Variants in ODAD2 observed in about 807,000 individuals in gnomAD.
The protein encoded by ODAD2 is outer dynein arm docking complex subunit 2.
A neutral mutation model predicts 106.8 loss-of-function variants in ODAD2; 89 were observed. The ratio of observed to expected loss-of-function variants is 0.83; its 90% CI spans 0.70 to 0.99. The LOEUF (loss-of-function observed/expected upper bound fraction) is 0.99. Among genes scored for constraint, ODAD2 ranks in the 50% least tolerant of loss-of-function variants. ODAD2 has a pLI of 0.00. For synonymous variants in ODAD2, 404 were observed against 436.2 expected (o/e 0.93, Z 0.92); for missense variants, 1,168 against 1,238.5 (o/e 0.94, Z 0.85).
At chr10:27,906,201 G>T (rs929511992) in intron 17 of ODAD2, among the ~76,000 whole-genome samples, 1 of 152,232 alleles carries the variant, frequency 6.6e-6, no homozygotes, top group Admixed American at 6.5e-5. Context: ...GTGGGCAAAA[G>T]ATATGAAAAG....
chr10:27,915,675 G>T (rs1844315882), intron 16 of ODAD2, among the ~76,000 whole-genome samples: 1 of 152,110 alleles, frequency 6.6e-6, no homozygotes, highest in Non-Finnish European at 1.5e-5. Flanking sequence ...TTTATAAAAT[G>T]CTAGAAGGAA....
chr10:27,873,497 CT>C (rs1841074441), intron 17 of ODAD2, among the ~76,000 whole-genome samples: 1 of 140,338 alleles, frequency 7.1e-6, no homozygotes, highest in South Asian at 2.5e-4. Context: ...GCATTTAGTG[CT>C]ATAAATTTCC....
At chr10:27,895,298 T>C (rs1339895878) in intron 17 of ODAD2, among the ~76,000 whole-genome samples, 1 of 152,154 alleles carries the variant, frequency 6.6e-6, no homozygotes, top group Non-Finnish European at 1.5e-5. Context: ...ATTTATACTT[T>C]TATATTTTTA....
Position 27,845,200 on chromosome 10 carries a change from C to T in ODAD2, c.3021+15425G>A, listed in dbSNP as rs1385731649. Among the ~76,000 whole-genome samples the T allele has an allele frequency of 2.0e-5, 3 of 152,108 alleles. No individual in the cohort carries two copies. The East Asian group carries it at 5.8e-4, about 29-fold the overall frequency. On this transcript the variant is annotated intron_variant, in intron 19 of 19. Transcript: ENST00000305242. ...CAGTGGGTTACACACAAAGGGAAGCCCATCAGACTAACAGAGGATCTCTTG... is the reference window on the plus strand; with the variant it reads ...CAGTGGGTTACACACAAAGGGAAGCTCATCAGACTAACAGAGGATCTCTTG...
intron 17 of ODAD2, among the ~76,000 whole-genome samples, chr10:27,901,124 A>T (rs1487034309): frequency 6.6e-6 from 1 of 152,144 alleles, no homozygotes; most frequent in Non-Finnish European, 1.5e-5. Context: ...CTCTGCAAAA[A>T]CTCTACAAGC....
chr10:27,957,293 T>C (rs1402733792), intron 10 of ODAD2: 2 of 152,200 alleles, frequency 1.3e-5, no homozygotes, highest in Non-Finnish European at 2.9e-5. Flanking sequence ...GAAGAACTGC[T>C]TTCAGGGGGC....
intron 7 of ODAD2, among the ~76,000 whole-genome samples, chr10:27,975,248 A>T (rs2133037933): frequency 6.6e-6 from 1 of 152,328 alleles, no homozygotes; most frequent in Admixed American, 6.5e-5. Context: ...AATTAAACGT[A>T]TTGTAACATT....
intron 9 of ODAD2, among the ~76,000 whole-genome samples, chr10:27,965,296 C>T (rs998019324): frequency 3.3e-5 from 5 of 152,134 alleles, no homozygotes; most frequent in East Asian, 1.9e-4. Flanking sequence ...GGTCCCCATG[C>T]CCTGTGGTTA....
intron 19 of ODAD2, among the ~76,000 whole-genome samples, chr10:27,829,998 A>G (rs1016361874): frequency 5.9e-5 from 9 of 152,300 alleles, no homozygotes; most frequent in East Asian, 3.9e-4. Context: ...TAATTCTTCT[A>G]TGAAATCCAC....
intron 19 of ODAD2, among the ~76,000 whole-genome samples, chr10:27,830,838 C>A (rs1235159048): frequency 6.6e-6 from 1 of 152,130 alleles, no homozygotes; most frequent in Admixed American, 6.5e-5. Context: ...CTTATTCATG[C>A]CAATACTTAT....
At chr10:27,875,972 T>A (rs1376660329) in intron 17 of ODAD2, among the ~76,000 whole-genome samples, 1 of 152,112 alleles carries the variant, frequency 6.6e-6, no homozygotes, top group Non-Finnish European at 1.5e-5. Flanking sequence ...TGAGATTGAA[T>A]TGCAACATGG....
At chr10:27,908,428 A>G (rs1247014664) in intron 16 of ODAD2, among the ~76,000 whole-genome samples, 4 of 152,292 alleles carry the variant, frequency 2.6e-5, no homozygotes, top group Admixed American at 1.3e-4. Context: ...TCTCTCCACC[A>G]TCTGTCTTCT....
chr10:27,828,765 TG>T (rs1837259477), intron 19 of ODAD2, among the ~76,000 whole-genome samples: 1 of 152,172 alleles, frequency 6.6e-6, no homozygotes, highest in East Asian at 1.9e-4. Context: ...GCTAAGAATT[TG>T]TGTAATCTGC....
chr10:27,924,677 A>C (rs1203911343), intron 16 of ODAD2, among the ~76,000 whole-genome samples: 1 of 149,190 alleles, frequency 6.7e-6, no homozygotes, highest in Non-Finnish European at 1.5e-5. Context: ...ATTTAAAATG[A>C]CAAGGAAAAA....
chr10:27,853,091 G>C (rs542644702), intron 19 of ODAD2: 1 of 153,102 alleles, frequency 6.5e-6, no homozygotes, highest in African/African-American at 2.4e-5. Context: ...AGCCCTGGCC[G>C]GGCGCAGTGG....
chr10:27,959,625 T>C (rs1230054990), intron 10 of ODAD2, among the ~76,000 whole-genome samples: 1 of 152,188 alleles, frequency 6.6e-6, no homozygotes, highest in Non-Finnish European at 1.5e-5. Flanking sequence ...TCCATGCTAG[T>C]GTTTCCAAAT....
At chr10:27,896,867 T>C (rs1842894216) in intron 17 of ODAD2, among the ~76,000 whole-genome samples, 2 of 152,126 alleles carry the variant, frequency 1.3e-5, no homozygotes, top group African/African-American at 4.8e-5. Context: ...CATACTAGCC[T>C]CCTTCTCTTA....
intron 16 of ODAD2, among the ~76,000 whole-genome samples, chr10:27,914,318 A>AT (rs1413938605): frequency 6.6e-6 from 1 of 151,988 alleles, no homozygotes; most frequent in Non-Finnish European, 1.5e-5. Flanking sequence ...TAAAGATGCC[A>AT]TTTTTTCTTT....
intron 17 of ODAD2, among the ~76,000 whole-genome samples, chr10:27,887,092 A>G (rs1314702636): frequency 2.0e-5 from 3 of 152,032 alleles, no homozygotes; most frequent in East Asian, 1.9e-4. Flanking sequence ...TAAAAAAACA[A>G]TTCTACAATA....
Sources: allele counts gnomAD v4.1 joint callset (sites outside exome capture counted in the v4.1 genomes callset), GRCh38; gene constraint gnomAD v4.1.1; transcripts MANE v1.5; gene names NCBI Gene and HGNC (gene_info 2026-07-23, HGNC 2026-07-21).